PDZRN4: variants seen among roughly 807,000 people sequenced by gnomAD.
PDZRN4 encodes the protein PDZ domain containing ring finger 4.
In PDZRN4, 70 loss-of-function variants were observed where a neutral mutation model predicts 99.0. That is an observed-to-expected ratio of 0.71 (90% confidence interval 0.58 to 0.86). The LOEUF is 0.86. Ranked by LOEUF, PDZRN4 falls within the 40% of genes least tolerant of loss-of-function variation. PDZRN4 has a pLI of 0.00. For missense variants in PDZRN4, 1,474 were observed against 1,331.2 expected (o/e 1.11, Z -1.67); for synonymous variants, 551 against 501.6 (o/e 1.10, Z -1.32).
chr12:41,336,862 G>A (rs543290321), intron 3 of PDZRN4, among the ~76,000 whole-genome samples: 1 of 152,162 alleles, frequency 6.6e-6, no homozygotes, highest in African/African-American at 2.4e-5. Context: ...AGTGTGTGTG[G>A]TATCAGCTGA....
At chr12:41,459,816 C>G (rs1952852853) in intron 3 of PDZRN4, 1 of 524,240 alleles carries the variant, frequency 1.9e-6, no homozygotes, top group African/African-American at 2.1e-5. Flanking sequence ...CAGCATAGCC[C>G]TGCATCATGT....
At chr12:41,226,612 A>C (rs535916612) in intron 3 of PDZRN4, among the ~76,000 whole-genome samples, 1 of 152,266 alleles carries the variant, frequency 6.6e-6, no homozygotes, top group Admixed American at 6.5e-5. Flanking sequence ...AGAGTCAAGC[A>C]CAGATCCTCC....
At position 41,556,132 on chromosome 12, in the gene PDZRN4, C is replaced by T. The variant is rs767867245; in HGVS notation, c.1365+372C>T. Among the ~76,000 whole-genome samples, 16 of 152,142 alleles carry T rather than the reference C, an allele frequency of 1.1e-4. 1 individual carries two copies. The highest frequency in any genetic ancestry group is 4.1e-4 in the South Asian group (2 of 4,834). On this transcript the variant is annotated intron_variant, in intron 7 of 9. Coordinates refer to ENST00000402685, the MANE Select transcript of PDZRN4 (RefSeq NM_001164595.2). ...GTGAAATGAGATTATGCTTGCCATA[C>T]GCTTAACACAGTGCATAAGTAGTTA...
rs149648916 is a variant in PDZRN4 at position 41,423,869 on chromosome 12, C to T, written c.844-82587C>T. Reference sequence around the variant, plus strand: ...AGTCATTTCAGGTAATCAGTCCTATCAGCAGCACCATGAGGAAGAAGCTAT... The same window carrying T: ...AGTCATTTCAGGTAATCAGTCCTATTAGCAGCACCATGAGGAAGAAGCTAT... On this transcript the variant is annotated intron_variant, in intron 3 of 9. Coordinates refer to ENST00000402685, the MANE Select transcript of PDZRN4 (RefSeq NM_001164595.2). Among the ~76,000 whole-genome samples, 530 of 152,244 alleles carry T rather than the reference C, an allele frequency of 3.5e-3. 3 individuals carry two copies. The highest frequency in any genetic ancestry group is 0.012 in the African/African-American group (499 of 41,538).
At chr12:41,511,425 C>G (rs1469001919) in intron 5 of PDZRN4, among the ~76,000 whole-genome samples, 1 of 152,010 alleles carries the variant, frequency 6.6e-6, no homozygotes, top group Non-Finnish European at 1.5e-5. Flanking sequence ...AATTCTCAGA[C>G]AAGCTCTCTG....
chr12:41,366,165 C>G (rs1951999254), intron 3 of PDZRN4, among the ~76,000 whole-genome samples: 1 of 152,106 alleles, frequency 6.6e-6, no homozygotes. Context: ...GTGCATGATA[C>G]CATCTTGTTA....
At chr12:41,456,407 C>T (rs566856689) in intron 3 of PDZRN4, among the ~76,000 whole-genome samples, 10 of 152,098 alleles carry the variant, frequency 6.6e-5, no homozygotes, top group African/African-American at 2.2e-4. Flanking sequence ...TTAAGTTTTC[C>T]AGAAATCCAG....
chr12:41,204,278 G>A (rs1409575193), intron 3 of PDZRN4, among the ~76,000 whole-genome samples: 5 of 151,956 alleles, frequency 3.3e-5, no homozygotes, highest in Admixed American at 2.0e-4. Flanking sequence ...TGATGGTATT[G>A]GTTCAAAGAG....
intron 8 of PDZRN4, among the ~76,000 whole-genome samples, chr12:41,564,572 A>T (rs1356281971): frequency 6.6e-6 from 1 of 152,188 alleles, no homozygotes; most frequent in African/African-American, 2.4e-5. Flanking sequence ...TTTCAGTGTC[A>T]GACTGAATCC....
intron 3 of PDZRN4, among the ~76,000 whole-genome samples, chr12:41,313,976 T>C (rs1382122686): frequency 6.6e-6 from 1 of 152,192 alleles, no homozygotes; most frequent in African/African-American, 2.4e-5. Context: ...TGTCTTTATA[T>C]CAGAAGATAA....
At chr12:41,459,013 TCAG>T (rs1327769091) in intron 3 of PDZRN4, among the ~76,000 whole-genome samples, 2 of 35,760 alleles carry the variant, frequency 5.6e-5, no homozygotes, top group Non-Finnish European at 1.1e-4. Flanking sequence ...AGGTTTGAGA[TCAG>T]AGTTCAAAGG....
chr12:41,571,376 T>TCACACACACACA (rs147910134), intron 9 of PDZRN4, among the ~76,000 whole-genome samples: 5 of 65,514 alleles, frequency 7.6e-5, no homozygotes, highest in African/African-American at 2.0e-4. Flanking sequence ...TCTCTCTCTC[T>TCACACACACACA]CACACACACA....
At chr12:41,461,411 C>T (rs1952872881) in intron 3 of PDZRN4, among the ~76,000 whole-genome samples, 1 of 152,094 alleles carries the variant, frequency 6.6e-6, no homozygotes, top group South Asian at 2.1e-4. Flanking sequence ...TGTTGTTTTC[C>T]TCTATGTGTC....
At position 41,574,123 on chromosome 12, in the gene PDZRN4, T is replaced by C. The variant is rs1939536495; in HGVS notation, c.*233T>C. 1 of 325,766 alleles carries C rather than the reference T, an allele frequency of 3.1e-6. No individual in the cohort carries two copies. The highest frequency in any genetic ancestry group is 4.8e-5 in the East Asian group (1 of 20,636). 20.2% of individuals were successfully genotyped at this position (325,766 alleles called of 1,614,324 possible). A position where few individuals can be genotyped will look rare whatever the true frequency, so the allele number is the denominator to read the frequency against. ...GTGATATATTCATATTACTCGTTTATAAAAAATCAAAAACAAAAGGAAAGA... is the reference window on the plus strand; with the variant it reads ...GTGATATATTCATATTACTCGTTTACAAAAAATCAAAAACAAAAGGAAAGA... On this transcript the variant is annotated 3_prime_UTR_variant, in exon 10 of 10. Coordinates refer to ENST00000402685, the MANE Select transcript of PDZRN4 (RefSeq NM_001164595.2).
chr12:41,397,963 A>G (rs1426192392), intron 3 of PDZRN4, among the ~76,000 whole-genome samples: 1 of 152,112 alleles, frequency 6.6e-6, no homozygotes, highest in Non-Finnish European at 1.5e-5. Context: ...AGTCACAAGA[A>G]CTCAAGTTCA....
chr12:41,426,682 G>A (rs1230545496), intron 3 of PDZRN4, among the ~76,000 whole-genome samples: 3 of 152,138 alleles, frequency 2.0e-5, no homozygotes, highest in Non-Finnish European at 2.9e-5. Context: ...GATAAAATAG[G>A]TGTTTCTTAA....
At chr12:41,250,079 T>C (rs1160713124) in intron 3 of PDZRN4, among the ~76,000 whole-genome samples, 1 of 152,202 alleles carries the variant, frequency 6.6e-6, no homozygotes, top group Non-Finnish European at 1.5e-5. Flanking sequence ...ATGGGTATGG[T>C]AACTTGCATA....
chr12:41,504,488 A>T (rs1938169400), intron 3 of PDZRN4, among the ~76,000 whole-genome samples: 1 of 152,096 alleles, frequency 6.6e-6, no homozygotes, highest in Admixed American at 6.6e-5. Flanking sequence ...TATCTTCCAC[A>T]ATCTGGAATG....
chr12:41,498,832 T>A lies in PDZRN4; in HGVS notation c.844-7624T>A, dbSNP rs1938058471. Among the ~76,000 whole-genome samples the A allele has an allele frequency of 2.0e-5, 3 of 152,270 alleles. No individual in the cohort carries two copies. In the South Asian group the frequency reaches 6.2e-4, roughly 32 times the overall value. Reference sequence around the variant, plus strand: ...CTTAAAAATGTGTAAATTTGCTAAATCTGACAAACTCATAATCTCATTTTA... The same window carrying A: ...CTTAAAAATGTGTAAATTTGCTAAAACTGACAAACTCATAATCTCATTTTA... On this transcript the variant is annotated intron_variant, in intron 3 of 9. Transcript: ENST00000402685.
Sources: allele counts gnomAD v4.1 joint callset (sites outside exome capture counted in the v4.1 genomes callset), GRCh38; gene constraint gnomAD v4.1.1; transcripts MANE v1.5; gene names NCBI Gene and HGNC (gene_info 2026-07-23, HGNC 2026-07-21).